SGCZ: variants seen among roughly 807,000 people sequenced by gnomAD.
SGCZ encodes the protein zeta-sarcoglycan.
In SGCZ, 40 loss-of-function variants were observed where a neutral mutation model predicts 41.3. The observed-to-expected ratio is 0.97, with a 90% CI of 0.75 to 1.26. The LOEUF is 1.26. Among genes scored for constraint, SGCZ ranks in the 50% most tolerant of loss-of-function variants. The pLI, the probability that SGCZ is intolerant of heterozygous loss-of-function variation, is 0.00. For synonymous variants in SGCZ, 206 were observed against 137.5 expected (o/e 1.50, Z -3.49); for missense variants, 552 against 369.8 (o/e 1.49, Z -4.04).
chr8:14,120,343 A>T (rs1802660229), intron 5 of SGCZ, among the ~76,000 whole-genome samples: 1 of 152,190 alleles, frequency 6.6e-6, no homozygotes, highest in Non-Finnish European at 1.5e-5. Flanking sequence ...ACTGTTTAGG[A>T]AATGAGAACA....
intron 1 of SGCZ, among the ~76,000 whole-genome samples, chr8:14,908,484 G>A (rs571608750): frequency 9.2e-5 from 14 of 152,202 alleles, no homozygotes; most frequent in African/African-American, 3.4e-4. Flanking sequence ...AGGTGCACTG[G>A]CTCACGCCTG....
At chr8:14,244,107 A>G (rs1294396083) in intron 3 of SGCZ, among the ~76,000 whole-genome samples, 1 of 151,966 alleles carries the variant, frequency 6.6e-6, no homozygotes, top group Non-Finnish European at 1.5e-5. Flanking sequence ...AGATCACACC[A>G]AATTTAGGAA....
intron 1 of SGCZ, among the ~76,000 whole-genome samples, chr8:15,212,624 A>T (rs1372048342): frequency 6.6e-6 from 1 of 152,066 alleles, no homozygotes; most frequent in Non-Finnish European, 1.5e-5. Context: ...TTGAATATAG[A>T]GGCTTCATTA....
chr8:15,011,946 G>C (rs2130927394), intron 1 of SGCZ, among the ~76,000 whole-genome samples: 1 of 151,978 alleles, frequency 6.6e-6, no homozygotes, highest in African/African-American at 2.4e-5. Context: ...TCTAATTTTG[G>C]CATAATTTAC....
At chr8:14,607,196 C>T (rs1004619731) in intron 1 of SGCZ, among the ~76,000 whole-genome samples, 7 of 152,096 alleles carry the variant, frequency 4.6e-5, no homozygotes, top group African/African-American at 1.7e-4. Context: ...ACATACAAAA[C>T]AACAGACATA....
chr8:14,909,022 G>A (rs1338160967), intron 1 of SGCZ, among the ~76,000 whole-genome samples: 1 of 151,784 alleles, frequency 6.6e-6, no homozygotes, highest in Non-Finnish European at 1.5e-5. Context: ...ACATAAAATC[G>A]GGACTCTAAT....
chr8:14,669,389 A>AAGTAAGTAAGTAAG (rs1563191230), intron 1 of SGCZ, among the ~76,000 whole-genome samples: 34 of 24,098 alleles, frequency 1.4e-3, no homozygotes, highest in East Asian at 7.6e-3. Context: ...AAGTAAGTAA[A>AAGTAAGTAAGTAAG]TAAATAAATA....
intron 3 of SGCZ, among the ~76,000 whole-genome samples, chr8:14,283,294 A>G (rs1414570439): frequency 6.6e-6 from 1 of 152,130 alleles, no homozygotes; most frequent in Non-Finnish European, 1.5e-5. Flanking sequence ...TGCTCAATTA[A>G]TTCTGAGCCC....
chr8:14,277,801 G>A (rs938585189), intron 3 of SGCZ, among the ~76,000 whole-genome samples: 1 of 152,082 alleles, frequency 6.6e-6, no homozygotes, highest in Non-Finnish European at 1.5e-5. Context: ...CTCCTTATCT[G>A]AGGAAGGAAA....
At chr8:14,694,918 G>C (rs1414511555) in intron 1 of SGCZ, among the ~76,000 whole-genome samples, 1 of 152,026 alleles carries the variant, frequency 6.6e-6, no homozygotes, top group African/African-American at 2.4e-5. Context: ...AATTCAAAAT[G>C]CAATGTTTAA....
chr8:14,874,937 A>G (rs553315342), intron 1 of SGCZ, among the ~76,000 whole-genome samples: 1 of 152,300 alleles, frequency 6.6e-6, no homozygotes, highest in African/African-American at 2.4e-5. Context: ...AGAAAAGAAG[A>G]TAATGCTGAC....
intron 1 of SGCZ, among the ~76,000 whole-genome samples, chr8:14,567,657 C>T (rs970774338): frequency 2.0e-5 from 3 of 152,132 alleles, no homozygotes; most frequent in Admixed American, 2.0e-4. Context: ...AGGGTTTGTT[C>T]TTTCGCTCTT....
intron 1 of SGCZ, among the ~76,000 whole-genome samples, chr8:14,639,389 C>A (rs1208360631): frequency 6.6e-6 from 1 of 151,454 alleles, no homozygotes; most frequent in East Asian, 2.0e-4. Flanking sequence ...TGTCAAAGAG[C>A]AAAAGCTTTT....
At chr8:14,861,022 G>T (rs562297717) in intron 1 of SGCZ, among the ~76,000 whole-genome samples, 10 of 152,146 alleles carry the variant, frequency 6.6e-5, no homozygotes, top group South Asian at 2.1e-4. Flanking sequence ...TTTAGTGTTC[G>T]CAATGTCCCT....
chr8:14,253,243 G>GT (rs1799347922), intron 3 of SGCZ, among the ~76,000 whole-genome samples: 5 of 148,952 alleles, frequency 3.4e-5, no homozygotes, highest in Admixed American at 2.7e-4. Flanking sequence ...TTGTGTGTAG[G>GT]GTGTGTGTGT....
chr8:14,128,994 G>C (rs1156582379), intron 5 of SGCZ, among the ~76,000 whole-genome samples: 2 of 152,000 alleles, frequency 1.3e-5, no homozygotes, highest in South Asian at 4.1e-4. Context: ...ACACTTTTTA[G>C]GTTATATGAG....
intron 4 of SGCZ, among the ~76,000 whole-genome samples, chr8:14,216,012 C>G (rs1563190841): frequency 6.6e-6 from 1 of 152,192 alleles, no homozygotes; most frequent in Non-Finnish European, 1.5e-5. Context: ...CAGCTGCAGC[C>G]TCAACAAACC....
chr8:14,660,955 G>A (rs1807727883), intron 1 of SGCZ, among the ~76,000 whole-genome samples: 1 of 152,130 alleles, frequency 6.6e-6, no homozygotes, highest in Non-Finnish European at 1.5e-5. Context: ...AGGATAGCAA[G>A]TATGCACATG....
chr8:15,104,921 T>TTTG (rs1806763541), intron 1 of SGCZ, among the ~76,000 whole-genome samples: 1 of 152,332 alleles, frequency 6.6e-6, no homozygotes. Context: ...ATGAACAATT[T>TTTG]TTGTTGTTGT....
Sources: allele counts gnomAD v4.1 joint callset (sites outside exome capture counted in the v4.1 genomes callset), GRCh38; gene constraint gnomAD v4.1.1; transcripts MANE v1.5; gene names NCBI Gene and HGNC (gene_info 2026-07-23, HGNC 2026-07-21).